The following CPED1 variants were observed in gnomAD, a reference collection of about 807,000 sequenced individuals.
CPED1 encodes cadherin like and PC-esterase domain containing 1, also known as cadherin-like and PC-esterase domain-containing protein 1.
A neutral mutation model predicts 128.2 loss-of-function variants in CPED1; 114 were observed. The ratio of observed to expected loss-of-function variants is 0.89; its 90% confidence interval spans 0.76 to 1.04. The LOEUF is 1.04. Among genes scored for constraint, CPED1 ranks in the 50% least tolerant of loss-of-function variants. The pLI, the probability that CPED1 is intolerant of heterozygous loss-of-function variation, is 0.00. For missense variants in CPED1, 1,211 were observed against 1,207.1 expected (o/e 1.00, Z -0.05); for synonymous variants, 462 against 426.7 (o/e 1.08, Z -1.02).
intron 8 of CPED1, 150 bp downstream of exon 8, chr7:121,124,623 T>C (rs1795461531): frequency 9.7e-6 from 5 of 514,664 alleles, no homozygotes; most frequent in South Asian, 8.9e-5. Flanking sequence ...CTTCTAAACA[T>C]ATGTGGCCAT....
At chr7:121,038,534 T>C (rs1792961905) in intron 3 of CPED1, among the ~76,000 whole-genome samples, 2 of 152,166 alleles carry the variant, frequency 1.3e-5, no homozygotes, top group Admixed American at 1.3e-4. Context: ...AGTCTGTGTC[T>C]AGTTACTACC....
At chr7:121,196,451 G>A (rs142777998) in intron 16 of CPED1, among the ~76,000 whole-genome samples, 317 of 152,200 alleles carry the variant, frequency 2.1e-3, no homozygotes, top group South Asian at 7.5e-3. Context: ...TCTCTTCTCT[G>A]ATTAAAGCAG....
chr7:121,067,053 T>C (rs888573890), intron 5 of CPED1, among the ~76,000 whole-genome samples: 1 of 151,964 alleles, frequency 6.6e-6, no homozygotes, highest in African/African-American at 2.4e-5. Flanking sequence ...TATCCATGGC[T>C]GGGGGGCACA....
intron 16 of CPED1, among the ~76,000 whole-genome samples, chr7:121,227,106 AATTAT>A (rs1216019424): frequency 6.6e-6 from 1 of 152,104 alleles, no homozygotes; most frequent in Non-Finnish European, 1.5e-5. Flanking sequence ...TTAGAGCCAG[AATTAT>A]ATTGGAGGTC....
At chr7:121,085,822 T>C (rs759310664) in intron 5 of CPED1, among the ~76,000 whole-genome samples, 28 of 152,218 alleles carry the variant, frequency 1.8e-4, no homozygotes, top group Admixed American at 1.0e-3. Context: ...ATAGATGTAT[T>C]TTCTACCATT....
intron 3 of CPED1, among the ~76,000 whole-genome samples, chr7:121,026,884 G>A (rs1792604741): frequency 6.9e-6 from 1 of 144,596 alleles, no homozygotes; most frequent in Non-Finnish European, 1.5e-5. Flanking sequence ...AGGCTGGAGT[G>A]CAGTGGTGCA....
intron 4 of CPED1, among the ~76,000 whole-genome samples, chr7:121,060,030 G>A (rs1394842590): frequency 1.4e-5 from 2 of 146,122 alleles, no homozygotes; most frequent in Non-Finnish European, 2.9e-5. Context: ...CTGGAGTTCC[G>A]GGTGGGCGTG....
At chr7:121,078,582 T>C (rs139671606) in intron 5 of CPED1, among the ~76,000 whole-genome samples, 223 of 150,850 alleles carry the variant, frequency 1.5e-3, no homozygotes, top group African/African-American at 5.3e-3. Context: ...TTGAATTGCA[T>C]ATATCCTAAC....
At chr7:121,256,155 A>AAAGACAT (rs1487036791) in intron 18 of CPED1, among the ~76,000 whole-genome samples, 2 of 148,346 alleles carry the variant, frequency 1.3e-5, no homozygotes, top group Admixed American at 1.4e-4. Context: ...AGCTTATGCC[A>AAAGACAT]AAGACATAAC....
chr7:121,271,485 T>G, intron 22 of CPED1, 55 bp downstream of exon 22: 1 of 1,532,946 alleles, frequency 6.5e-7, no homozygotes, highest in Non-Finnish European at 8.9e-7. Context: ...AAATTGTTTG[T>G]TGTATCTTTA....
At chr7:121,290,943 G>A (rs942076361) in intron 22 of CPED1, among the ~76,000 whole-genome samples, 64 of 152,126 alleles carry the variant, frequency 4.2e-4, no homozygotes, top group African/African-American at 1.4e-3. Context: ...TAGGTCTTAT[G>A]TTTAAATATT....
intron 3 of CPED1, among the ~76,000 whole-genome samples, chr7:121,036,363 C>T (rs1192172696): frequency 6.6e-6 from 1 of 151,968 alleles, no homozygotes; most frequent in East Asian, 1.9e-4. Context: ...ATACTGAGAA[C>T]ATATGGTGTT....
At chr7:121,010,526 G>A (rs1466374345) in intron 2 of CPED1, among the ~76,000 whole-genome samples, 1 of 152,212 alleles carries the variant, frequency 6.6e-6, no homozygotes, top group Non-Finnish European at 1.5e-5. Flanking sequence ...TGGGATTACA[G>A]GCGTGAGCCA....
chr7:121,156,047 G>T lies in CPED1; in HGVS notation c.2055+13906G>T, dbSNP rs150300920. 2.8e-4 allele frequency among the ~76,000 whole-genome samples: 43 copies of T among 152,170 alleles called. No individual in the cohort carries two copies. The East Asian group carries it at 8.3e-3, about 29-fold the overall frequency. On this transcript the variant is annotated intron_variant, in intron 16 of 22. Transcript: ENST00000310396. ...TTAAAATGAGTAAAAGATCAGAAAA[G>T]ACATTTCTCAAGAGATACAAATGGC...
intron 16 of CPED1, among the ~76,000 whole-genome samples, chr7:121,203,428 C>T (rs1797446318): frequency 6.6e-6 from 1 of 152,100 alleles, no homozygotes; most frequent in Admixed American, 6.5e-5. Flanking sequence ...TTTGTGACTC[C>T]TGGTCATGTC....
intron 10 of CPED1, 28 bp from the exon 11 acceptor site, chr7:121,128,354 C>T: frequency 7.9e-7 from 1 of 1,262,344 alleles, no homozygotes; most frequent in Non-Finnish European, 1.2e-6. Context: ...TTAACAATTG[C>T]TTAAGTTCTT....
intron 5 of CPED1, among the ~76,000 whole-genome samples, chr7:121,085,449 T>C (rs1423055031): frequency 2.0e-5 from 3 of 152,220 alleles, no homozygotes; most frequent in Non-Finnish European, 4.4e-5. Context: ...TGTAATATTA[T>C]AGTCTCAACA....
chr7:121,186,600 T>C (rs998978002), intron 16 of CPED1, among the ~76,000 whole-genome samples: 1 of 152,154 alleles, frequency 6.6e-6, no homozygotes, highest in African/African-American at 2.4e-5. Flanking sequence ...TCAAATGTTA[T>C]AGATACCTGC....
rs569709456 is a variant in CPED1 at position 121,099,971 on chromosome 7, C to G, written c.795C>G (p.Ala265=). 1 of 1,613,102 alleles carries G rather than the reference C, an allele frequency of 6.2e-7. No homozygotes were observed. Residue 265 remains alanine (A), a synonymous_variant, in exon 7 of 23, where the codon GCC becomes GCG. Transcript: ENST00000310396. ...VLAPHETIFR[A]EDLSVILKAY... is the part of the protein sequence containing the mutation. ...CTCCACATGAAACAATCTTTCGAGCCGAAGATCTATCTGTGATTCTTAAAG... is the reference window on the plus strand; with the variant it reads ...CTCCACATGAAACAATCTTTCGAGCGGAAGATCTATCTGTGATTCTTAAAG...
Sources: allele counts gnomAD v4.1 joint callset (sites outside exome capture counted in the v4.1 genomes callset), GRCh38; gene constraint gnomAD v4.1.1; transcripts MANE v1.5; gene names NCBI Gene and HGNC (gene_info 2026-07-23, HGNC 2026-07-21).